TPD52: variants seen among roughly 807,000 people sequenced by gnomAD.
TPD52 encodes the protein tumor protein D52.
In TPD52, 17 loss-of-function variants were observed where a neutral mutation model predicts 31.3. The observed-to-expected ratio is 0.54, with a 90% CI of 0.37 to 0.82. TPD52 has a LOEUF of 0.82. Ranked by LOEUF, TPD52 falls within the 40% of genes least tolerant of loss-of-function variation. The pLI, the probability that TPD52 is intolerant of heterozygous loss-of-function variation, is 0.00. For missense variants in TPD52, 212 were observed against 240.1 expected (o/e 0.88, Z 0.77); for synonymous variants, 83 against 89.6 (o/e 0.93, Z 0.42).
chr8:80,130,250 A>G (rs987152708), intron 1 of TPD52, among the ~76,000 whole-genome samples: 2 of 152,202 alleles, frequency 1.3e-5, no homozygotes, highest in African/African-American at 4.8e-5. Context: ...AGAAGTCAGT[A>G]TTTCAGGCTT....
At chr8:80,056,259 T>G (rs539452030) in intron 2 of TPD52, among the ~76,000 whole-genome samples, 88 of 152,218 alleles carry the variant, frequency 5.8e-4, no homozygotes, top group African/African-American at 2.0e-3. Context: ...GCAGAATAAA[T>G]CAGGCACAGA....
In TPD52 at chr8:80,080,629, C is replaced by T. The variant is rs1044521510; in HGVS notation, c.20-16036G>A. The stretch of plus-strand genomic sequence containing the variant: ...CAGCATTTCCTTTTGGGAGCCTTCA[C>T]GCCCCTCCTGATAAGCAGACCTATT... On this transcript the variant is annotated intron_variant, in intron 1 of 7. Transcript: ENST00000518937. 1.8e-5 allele frequency: 25 copies of T among 1,354,524 alleles called. No homozygotes were observed. The South Asian group carries it at 1.9e-4, about 11-fold the overall frequency. The allele number at this position is 1,354,524 out of a possible 1,614,324, so 83.9% of individuals were successfully genotyped here.
intron 3 of TPD52, chr8:80,052,747 C>A: frequency 8.8e-7 from 1 of 1,136,786 alleles, no homozygotes; most frequent in Non-Finnish European, 1.2e-6. Flanking sequence ...AGACAAAAAG[C>A]CTAAGGGATT....
At chr8:80,141,932 T>A (rs531243842) in intron 1 of TPD52, among the ~76,000 whole-genome samples, 48 of 151,346 alleles carry the variant, frequency 3.2e-4, no homozygotes, top group South Asian at 8.3e-4. Context: ...AAAATAAAAA[T>A]AAAAAAATAT....
At chr8:80,165,228 T>C (rs542743541) in intron 1 of TPD52, among the ~76,000 whole-genome samples, 1 of 152,322 alleles carries the variant, frequency 6.6e-6, no homozygotes, top group South Asian at 2.1e-4. Context: ...CCTGGCCACA[T>C]GGCAAGGGAA....
chr8:80,109,389 A>G (rs1405203067), intron 1 of TPD52, among the ~76,000 whole-genome samples: 2 of 152,150 alleles, frequency 1.3e-5, no homozygotes, highest in Non-Finnish European at 2.9e-5. Context: ...TATGCAATCA[A>G]ATTAGTCTTA....
At chr8:80,169,235 CT>C (rs1563676945) in intron 1 of TPD52, among the ~76,000 whole-genome samples, 1 of 152,184 alleles carries the variant, frequency 6.6e-6, no homozygotes, top group Non-Finnish European at 1.5e-5. Context: ...CCTGCCTCAG[CT>C]TCCCAAAGTG....
chr8:80,038,129 T>C lies in TPD52; in HGVS notation c.611A>G (p.Gln204Arg). Reference protein sequence around the residue: ...TTTEPLPEKTQESL With the variant: ...TTTEPLPEKTRESL ...AAGGTAGGAATCTCACAGGCTCTCC[T>C]GTGTCTTTTCTGGAAGAGGCTCCGT... Residue 204 changes from glutamine to arginine, a missense_variant, in exon 8 of 8, where the codon CAG (glutamine) becomes CGG (arginine). Transcript: ENST00000518937. 6.2e-7 allele frequency: 1 copy of C among 1,614,120 alleles called. No homozygotes were observed. The highest frequency in any genetic ancestry group is 2.2e-5 in the East Asian group (1 of 44,884).
chr8:80,086,877 C>CAAAAAAAAAAAAAA (rs58864911), intron 1 of TPD52, among the ~76,000 whole-genome samples: 2 of 76,564 alleles, frequency 2.6e-5, no homozygotes, highest in Non-Finnish European at 2.4e-5. Context: ...GCTGTCTCAA[C>CAAAAAAAAAAAAAA]AAAAAAAAAA....
intron 1 of TPD52, among the ~76,000 whole-genome samples, chr8:80,076,399 A>T (rs1048114439): frequency 7.9e-5 from 12 of 152,228 alleles, no homozygotes; most frequent in Non-Finnish European, 1.3e-4. Context: ...AAACTAACAC[A>T]GGAACAGAAA....
At chr8:80,090,614 G>T (rs1212845268) in intron 1 of TPD52, among the ~76,000 whole-genome samples, 1 of 151,960 alleles carries the variant, frequency 6.6e-6, no homozygotes, top group Non-Finnish European at 1.5e-5. Flanking sequence ...TAGAAACTTA[G>T]GAAATATTCC....
intron 2 of TPD52, 155 bp downstream of exon 2, chr8:80,064,323 C>T (rs558134459): frequency 4.7e-6 from 3 of 635,182 alleles, no homozygotes; most frequent in South Asian, 2.0e-5. Context: ...CCTCTTCTAT[C>T]TCCTCTCCCC....
intron 1 of TPD52, among the ~76,000 whole-genome samples, chr8:80,152,239 T>C (rs1238438185): frequency 6.6e-6 from 1 of 152,136 alleles, no homozygotes; most frequent in Non-Finnish European, 1.5e-5. Flanking sequence ...GGTAGAGAGC[T>C]GACCGGGGAG....
intron 1 of TPD52, among the ~76,000 whole-genome samples, chr8:80,082,674 T>C (rs1815411770): frequency 1.3e-5 from 2 of 152,166 alleles, no homozygotes. Flanking sequence ...CCCCCTAGTC[T>C]CTGGCCCCCT....
At chr8:80,125,571 AAAAG>A (rs908016731) in intron 1 of TPD52, among the ~76,000 whole-genome samples, 5 of 152,260 alleles carry the variant, frequency 3.3e-5, no homozygotes, top group African/African-American at 7.2e-5. Flanking sequence ...TTTAAAAAAA[AAAAG>A]AGAGACTACT....
At chr8:80,038,298 A>G (rs1810056776) in intron 7 of TPD52, 63 bp from the exon 8 acceptor site, 1 of 1,561,318 alleles carries the variant, frequency 6.4e-7, no homozygotes. Context: ...GATTCTGCAT[A>G]AAGTAACTCT....
chr8:80,132,941 C>T (rs1809126517), intron 1 of TPD52, among the ~76,000 whole-genome samples: 1 of 152,144 alleles, frequency 6.6e-6, no homozygotes, highest in African/African-American at 2.4e-5. Context: ...TAAGGGGTCC[C>T]CATGCCACTT....
At chr8:80,119,388 A>G (rs981229061) in intron 1 of TPD52, among the ~76,000 whole-genome samples, 4 of 152,192 alleles carry the variant, frequency 2.6e-5, no homozygotes, top group Non-Finnish European at 5.9e-5. Context: ...TGAATTATAG[A>G]TTGAATGAGC....
At chr8:80,081,642 A>G (rs1450811544) in intron 1 of TPD52, among the ~76,000 whole-genome samples, 2 of 152,184 alleles carry the variant, frequency 1.3e-5, no homozygotes, top group South Asian at 2.1e-4. Context: ...ATATATTTTA[A>G]GCATTAAAAA....
Sources: allele counts gnomAD v4.1 joint callset (sites outside exome capture counted in the v4.1 genomes callset), GRCh38; gene constraint gnomAD v4.1.1; transcripts MANE v1.5; gene names NCBI Gene and HGNC (gene_info 2026-07-23, HGNC 2026-07-21).